Variants in CCDC63 observed in about 807,000 individuals in gnomAD.
CCDC63 encodes the protein coiled-coil domain containing 63, also known as coiled-coil domain-containing protein 63.
In CCDC63, 54 loss-of-function variants were observed where a neutral mutation model predicts 63.6. That is an observed-to-expected ratio of 0.85 (90% CI 0.68 to 1.07). The LOEUF (loss-of-function observed/expected upper bound fraction) is 1.07, where lower values mean the gene tolerates loss of function less well. Ranked by LOEUF, CCDC63 falls within the 50% of genes least tolerant of loss-of-function variation. CCDC63 has a pLI of 0.00. For missense variants in CCDC63, 637 were observed against 689.6 expected (o/e 0.92, Z 0.86); for synonymous variants, 253 against 266.1 (o/e 0.95, Z 0.48).
intron 4 of CCDC63, among the ~76,000 whole-genome samples, chr12:110,860,587 ATATT>A (rs879758865): frequency 2.0e-5 from 3 of 151,892 alleles, no homozygotes; most frequent in South Asian, 2.1e-4. Context: ...TTATTTTTAA[ATATT>A]TATTTATTTA....
At chr12:110,891,859 A>G (rs2071361356) in intron 8 of CCDC63, among the ~76,000 whole-genome samples, 1 of 152,160 alleles carries the variant, frequency 6.6e-6, no homozygotes, top group South Asian at 2.1e-4. Context: ...ACAAGAATAC[A>G]ACAGACAGCC....
In CCDC63 at chr12:110,881,204, G is replaced by T. The variant is rs751473319; in HGVS notation, c.761G>T (p.Arg254Leu). 9 of 1,613,632 alleles carry T rather than the reference G, an allele frequency of 5.6e-6. 1 individual carries two copies. The highest frequency in any genetic ancestry group is 7.6e-6 in the Non-Finnish European group (9 of 1,179,972). Residue 254 changes from arginine to leucine, a missense_variant, in exon 7 of 12, where the codon CGT becomes CTT. By Grantham distance (102) the Arg-to-Leu change is moderately radical. Coordinates refer to ENST00000308208, the MANE Select transcript of CCDC63 (RefSeq NM_152591.3). ...AACCTGGAGATCCGAGAGCTGGAGCGTCTCTATGCCCATGAGAGCAAGCTC... is the reference window on the plus strand; with the variant it reads ...AACCTGGAGATCCGAGAGCTGGAGCTTCTCTATGCCCATGAGAGCAAGCTC... ...QYNLEIRELE[R>L]LYAHESKLKS...
At chr12:110,849,416 G>T (rs2070677864) in intron 1 of CCDC63, among the ~76,000 whole-genome samples, 1 of 151,760 alleles carries the variant, frequency 6.6e-6, no homozygotes, top group South Asian at 2.1e-4. Flanking sequence ...TCATGGGAGG[G>T]TTGCCACTGA....
At chr12:110,900,178 A>G (rs765597395) in intron 10 of CCDC63, among the ~76,000 whole-genome samples, 1 of 152,068 alleles carries the variant, frequency 6.6e-6, no homozygotes, top group Admixed American at 6.6e-5. Flanking sequence ...GTGCCACTGC[A>G]CTCCAGCCTG....
chr12:110,902,839 TCCCGAGTAGCTGGGATTACAGGTG>T (rs1330318915), intron 10 of CCDC63, among the ~76,000 whole-genome samples: 6 of 151,730 alleles, frequency 4.0e-5, no homozygotes, highest in African/African-American at 1.5e-4. Context: ...TGCCTCAGCT[TCCCGAGTAGCTGGGATTACAGGTG>T]CCCGACACCA....
intron 8 of CCDC63, among the ~76,000 whole-genome samples, chr12:110,885,815 T>C (rs1303485406): frequency 3.3e-5 from 5 of 152,246 alleles, no homozygotes; most frequent in East Asian, 1.9e-4. Context: ...ACGCTGGCCA[T>C]GTGCAAACAG....
intron 7 of CCDC63, among the ~76,000 whole-genome samples, chr12:110,883,364 G>C (rs545551923): frequency 5.9e-5 from 9 of 152,272 alleles, no homozygotes; most frequent in African/African-American, 9.6e-5. Flanking sequence ...GTAGAGGTGG[G>C]GTCTTGCTAT....
chr12:110,900,952 A>G (rs901679827), intron 10 of CCDC63, among the ~76,000 whole-genome samples: 2 of 152,116 alleles, frequency 1.3e-5, no homozygotes, highest in Non-Finnish European at 2.9e-5. Context: ...AACACATTCT[A>G]GCCTCCTGGC....
intron 4 of CCDC63, among the ~76,000 whole-genome samples, chr12:110,871,427 C>G (rs2071064692): frequency 6.6e-6 from 1 of 152,178 alleles, no homozygotes; most frequent in Admixed American, 6.5e-5. Flanking sequence ...AGGCGTGAGC[C>G]ACTGCGCCCA....
intron 4 of CCDC63, among the ~76,000 whole-genome samples, chr12:110,864,421 C>CT (rs1287969331): frequency 2.4e-5 from 3 of 127,038 alleles, no homozygotes; most frequent in African/African-American, 6.6e-5. Context: ...GAGACCCTGT[C>CT]TTAAAAAAAA....
chr12:110,859,307 G>A (rs1352058414), intron 4 of CCDC63, among the ~76,000 whole-genome samples: 2 of 151,492 alleles, frequency 1.3e-5, no homozygotes, highest in Non-Finnish European at 2.9e-5. Flanking sequence ...AGTGAAACAT[G>A]TCACTTCTTT....
intron 9 of CCDC63, among the ~76,000 whole-genome samples, chr12:110,893,410 G>C (rs1441933689): frequency 1.3e-5 from 2 of 152,202 alleles, no homozygotes; most frequent in Non-Finnish European, 2.9e-5. Flanking sequence ...CCTTTTCAGG[G>C]AGTCCAGCCC....
chr12:110,860,776 A>C (rs566422543), intron 4 of CCDC63, among the ~76,000 whole-genome samples: 1 of 152,196 alleles, frequency 6.6e-6, no homozygotes, highest in Admixed American at 6.6e-5. Flanking sequence ...TTTAGTACAG[A>C]CGGGGTTTCA....
intron 8 of CCDC63, among the ~76,000 whole-genome samples, chr12:110,890,259 G>A (rs1323301527): frequency 6.6e-6 from 1 of 151,314 alleles, no homozygotes; most frequent in East Asian, 1.9e-4. Flanking sequence ...AGCCAAGATC[G>A]CACCACTGCA....
At chr12:110,900,482 A>G (rs905524484) in intron 10 of CCDC63, among the ~76,000 whole-genome samples, 5 of 152,184 alleles carry the variant, frequency 3.3e-5, no homozygotes, top group Non-Finnish European at 5.9e-5. Flanking sequence ...ATTAGCAATC[A>G]CATACATTTC....
At chr12:110,859,604 C>G (rs1014497976) in intron 4 of CCDC63, among the ~76,000 whole-genome samples, 9 of 151,820 alleles carry the variant, frequency 5.9e-5, no homozygotes, top group Admixed American at 5.9e-4. Flanking sequence ...CCGTGCCTGG[C>G]TGAAACACGT....
intron 3 of CCDC63, among the ~76,000 whole-genome samples, chr12:110,853,879 G>A (rs747379631): frequency 3.0e-4 from 46 of 152,168 alleles, no homozygotes; most frequent in Admixed American, 9.2e-4. Context: ...GTTTTTCTCC[G>A]CACATGACTT....
At chr12:110,853,194 T>C (rs895914013) in intron 2 of CCDC63, among the ~76,000 whole-genome samples, 7 of 151,848 alleles carry the variant, frequency 4.6e-5, no homozygotes, top group African/African-American at 1.7e-4. Flanking sequence ...CTCACCACAG[T>C]ATGCAATTAC....
chr12:110,898,915 A>C lies in CCDC63; in HGVS notation c.1150-18A>C. On this transcript the variant is annotated intron_variant, in intron 9 of 11. Transcript: ENST00000308208. Reference sequence around the variant, plus strand: ...TGAAAGTCCTCCTGAGCAGGTGGGAATTGGGGTCTGCCACCAGGATAAACT... The same window carrying C: ...TGAAAGTCCTCCTGAGCAGGTGGGACTTGGGGTCTGCCACCAGGATAAACT... 6.4e-7 allele frequency: 1 copy of C among 1,568,854 alleles called. No individual in the cohort carries two copies. The highest frequency in any genetic ancestry group is 8.7e-7 in the Non-Finnish European group (1 of 1,154,152).
Sources: gnomAD v4.1 joint callset for allele counts (sites outside exome capture counted in the v4.1 genomes callset) on GRCh38, gnomAD v4.1.1 for gene constraint, MANE v1.5 for transcripts, NCBI Gene and HGNC (gene_info 2026-07-23, HGNC 2026-07-21) for gene names.